MARCHF10: variants seen among roughly 807,000 people sequenced by gnomAD.
MARCHF10 encodes the protein membrane associated ring-CH-type finger 10, also known as probable E3 ubiquitin-protein ligase MARCHF10.
In MARCHF10, 64 loss-of-function variants were observed where a neutral mutation model predicts 76.2. The observed-to-expected ratio is 0.84, with a 90% confidence interval of 0.69 to 1.03. MARCHF10 has a LOEUF of 1.03. Ranked by LOEUF, MARCHF10 falls within the 50% of genes least tolerant of loss-of-function variation. MARCHF10 has a pLI of 0.00. For missense variants in MARCHF10, 875 were observed against 958.0 expected (o/e 0.91, Z 1.14); for synonymous variants, 340 against 357.5 (o/e 0.95, Z 0.55).
chr17:62,746,799 C>T (rs1481389838), intron 4 of MARCHF10: 1 of 1,055,722 alleles, frequency 9.5e-7, no homozygotes, highest in African/African-American at 1.6e-5. Context: ...TTCAAAGTTC[C>T]CACGCACCCC....
intron 4 of MARCHF10, among the ~76,000 whole-genome samples, chr17:62,751,238 A>G (rs1432755360): frequency 6.6e-6 from 1 of 152,172 alleles, no homozygotes; most frequent in East Asian, 1.9e-4. Flanking sequence ...CAGCTTTGCC[A>G]CTAACCAGCT....
intron 4 of MARCHF10, among the ~76,000 whole-genome samples, chr17:62,759,391 T>A (rs2092133454): frequency 6.6e-6 from 1 of 152,230 alleles, no homozygotes; most frequent in South Asian, 2.1e-4. Flanking sequence ...ATGTTACTGT[T>A]TGCATAGGAT....
intron 2 of MARCHF10, among the ~76,000 whole-genome samples, chr17:62,795,997 T>C (rs1488263793): frequency 6.6e-6 from 1 of 151,712 alleles, no homozygotes; most frequent in South Asian, 2.1e-4. Context: ...ACTAACGTCA[T>C]GCAATTGATC....
At chr17:62,774,524 C>T (rs1234460618) in intron 3 of MARCHF10, among the ~76,000 whole-genome samples, 2 of 152,084 alleles carry the variant, frequency 1.3e-5, no homozygotes, top group Non-Finnish European at 2.9e-5. Context: ...GGGAGTAGGA[C>T]AGCCTCAAGG....
At chr17:62,747,002 A>G in intron 4 of MARCHF10, 1 of 1,517,066 alleles carries the variant, frequency 6.6e-7, no homozygotes, top group Non-Finnish European at 8.8e-7. Flanking sequence ...CCTTACTTTC[A>G]GCGTTTTTAA....
At position 62,711,202 on chromosome 17, in the gene MARCHF10, G is replaced by A. The variant is rs1166612469; in HGVS notation, c.2328+29C>T. 10 of 1,592,768 alleles carry A rather than the reference G, an allele frequency of 6.3e-6. No homozygotes were observed. Among genetic ancestry groups the A allele is most frequent in the African/African-American group, 2.7e-5 (2 of 74,504 alleles). ...CTGCAGGGTTTTCAGGGCTGCCACCGGACAGCTCTGGGTCACAGCCAGACT... is the reference window on the plus strand; with the variant it reads ...CTGCAGGGTTTTCAGGGCTGCCACCAGACAGCTCTGGGTCACAGCCAGACT... On this transcript the variant is annotated intron_variant, in intron 9 of 10. Transcript: ENST00000311269. This position sits in a 1 kb window ranked among gnomAD's most constrained non-coding sequence, Gnocchi z 4.4.
At chr17:62,730,668 G>A (rs1046984814) in intron 6 of MARCHF10, among the ~76,000 whole-genome samples, 1 of 152,192 alleles carries the variant, frequency 6.6e-6, no homozygotes, top group African/African-American at 2.4e-5. Context: ...GGCTGAGGCG[G>A]GTGGATCACA....
intron 2 of MARCHF10, among the ~76,000 whole-genome samples, chr17:62,790,129 T>C (rs865789390): frequency 6.6e-6 from 1 of 152,094 alleles, no homozygotes; most frequent in Non-Finnish European, 1.5e-5. Flanking sequence ...GAGGATATCA[T>C]GTACTATGGA....
At chr17:62,752,142 C>G (rs985246484) in intron 4 of MARCHF10, among the ~76,000 whole-genome samples, 8 of 152,054 alleles carry the variant, frequency 5.3e-5, no homozygotes, top group Non-Finnish European at 1.2e-4. Context: ...TCCTAAATGG[C>G]CTCTGGAGTG....
rs111291268 is a variant in MARCHF10 at position 62,725,011 on chromosome 17, G to A, written c.2031C>T (p.Cys677=). The A allele has an allele frequency of 4.7e-3, 7,527 of 1,610,320 alleles. 26 individuals are homozygous for A. The highest frequency in any genetic ancestry group is 6.0e-3 in the Non-Finnish European group (7,113 of 1,178,592). ...CAAACTGCAGGCTTCCCACACAGCC[G>A]CAAGGCTCCAGGAGGGGGTTGCTTG... ...GSPSNPLLEP[C]GCVGSLQFVH... is the part of the protein sequence containing the mutation. The change falls in exon 7 of 11, where the codon TGC becomes TGT. Residue 677 remains cysteine, a synonymous_variant. Transcript: ENST00000311269.
At chr17:62,774,852 G>A (rs912708926) in intron 3 of MARCHF10, among the ~76,000 whole-genome samples, 18 of 151,974 alleles carry the variant, frequency 1.2e-4, no homozygotes, top group African/African-American at 3.4e-4. Context: ...TCAGGAGTTC[G>A]AGACCAGCCT....
At chr17:62,787,776 A>T (rs887029215) in intron 3 of MARCHF10, among the ~76,000 whole-genome samples, 1 of 152,086 alleles carries the variant, frequency 6.6e-6, no homozygotes, top group South Asian at 2.1e-4. Context: ...ATAGATAGAT[A>T]AGGATAGGTG....
chr17:62,768,865 C>G (rs2092388847), intron 3 of MARCHF10, among the ~76,000 whole-genome samples: 1 of 152,168 alleles, frequency 6.6e-6, no homozygotes, highest in African/African-American at 2.4e-5. Context: ...ATATGCAGAG[C>G]AGATTCCAAC....
intron 4 of MARCHF10, among the ~76,000 whole-genome samples, chr17:62,752,439 C>T (rs185647822): frequency 5.9e-5 from 9 of 152,284 alleles, no homozygotes; most frequent in South Asian, 2.1e-4. Flanking sequence ...AAGGCAACAC[C>T]GCAAAAGGGG....
At position 62,738,508 on chromosome 17, in the gene MARCHF10, C is replaced by T. The variant is rs574514831; in HGVS notation, c.536-1176G>A. ...TTGTGTGGGATCTGATGAGATGCTG[C>T]TCTTTTTATCATTCCATTTCTAAAG... is the stretch of plus-strand genomic sequence containing the variant. On this transcript the variant is annotated intron_variant, in intron 5 of 10. Transcript: ENST00000311269. The surrounding 1 kb of genome is among the most constrained non-coding windows in gnomAD (Gnocchi z 4.0). Among the ~76,000 whole-genome samples, 2 of 152,298 alleles carry T rather than the reference C, an allele frequency of 1.3e-5. No individual in the cohort carries two copies. The highest frequency in any genetic ancestry group is 4.2e-4 in the South Asian group (2 of 4,810).
chr17:62,784,336 AAAACTCTCAGT>A (rs1194199584), intron 3 of MARCHF10, among the ~76,000 whole-genome samples: 2 of 152,216 alleles, frequency 1.3e-5, no homozygotes, highest in Non-Finnish European at 2.9e-5. Context: ...CCTCATGCTA[AAAACTCTCAGT>A]AAACTAGGTA....
At chr17:62,790,383 C>T (rs1027328376) in intron 2 of MARCHF10, among the ~76,000 whole-genome samples, 2 of 152,112 alleles carry the variant, frequency 1.3e-5, no homozygotes, top group Admixed American at 1.3e-4. Context: ...GCCATGTTGG[C>T]CAGGCTGGTC....
At chr17:62,715,623 C>T (rs1430131860) in intron 8 of MARCHF10, among the ~76,000 whole-genome samples, 1 of 152,258 alleles carries the variant, frequency 6.6e-6, no homozygotes, top group East Asian at 1.9e-4. Context: ...CACAGCACTA[C>T]CGAAAGAGTC....
chr17:62,705,261 A>G (rs942364851), intron 10 of MARCHF10: 3 of 1,390,860 alleles, frequency 2.2e-6, no homozygotes, highest in African/African-American at 2.9e-5. Flanking sequence ...GAAAAGGAAC[A>G]AATCTTATCT....
Sources: gnomAD v4.1 joint callset for allele counts (sites outside exome capture counted in the v4.1 genomes callset) on GRCh38, gnomAD v4.1.1 for gene constraint, Gnocchi (gnomAD v3.1) non-coding constraint, MANE v1.5 for transcripts, NCBI Gene and HGNC (gene_info 2026-07-23, HGNC 2026-07-21) for gene names.